SCUBE3: variants seen among roughly 807,000 people sequenced by gnomAD.
SCUBE3 encodes signal peptide, CUB and EGF-like domain-containing protein 3.
In SCUBE3, 33 loss-of-function variants were observed where a neutral mutation model predicts 116.8. The ratio of observed to expected loss-of-function variants is 0.28; its 90% CI spans 0.21 to 0.38. SCUBE3 has a LOEUF of 0.38. Ranked by LOEUF, SCUBE3 falls within the 10% of genes least tolerant of loss-of-function variation. SCUBE3 has a pLI of 1.00. For missense variants in SCUBE3, 1,007 were observed against 1,324.8 expected (o/e 0.76, Z 3.72); for synonymous variants, 418 against 496.9 (o/e 0.84, Z 2.11).
Position 35,241,198 on chromosome 6 carries a change from C to T in SCUBE3, c.1127C>T (p.Pro376Leu). Residue 376 changes from proline to leucine, a missense_variant, in exon 10 of 22, where the codon CCT (proline) becomes CTT (leucine). By Grantham distance (98) the Pro-to-Leu change is moderately conservative (BLOSUM62 -3). Around this residue, in one of 5 missense-constraint regions of SCUBE3, gnomAD observed 544 missense variants for 638.9 expected, o/e 0.85. Transcript: ENST00000274938. The surrounding 1 kb of genome is among the most constrained non-coding windows in gnomAD (Gnocchi z 4.1). ...TGCCGCTTTGGCTGCATCAACACTC[C>T]TGGCAGCTACCAGTGTACCTGCCCA... ...GGCRFGCINT[P>L]GSYQCTCPAG... The T allele has an allele frequency of 1.2e-6, 2 of 1,606,808 alleles. No homozygotes were observed. The highest frequency in any genetic ancestry group is 1.7e-6 in the Non-Finnish European group (2 of 1,173,920).
In SCUBE3 at chr6:35,243,862, T is replaced by C; in HGVS notation, c.2072-101T>C. The C allele has an allele frequency of 2.6e-6, 4 of 1,534,448 alleles. No homozygotes were observed. The highest frequency in any genetic ancestry group is 3.6e-6 in the Non-Finnish European group (4 of 1,121,028). ...CCCAGGCTCCAGGCCACTCTCTTAG[T>C]CAACATCCTGTTTGTATACCTTTGT... On this transcript the variant is annotated intron_variant, in intron 16 of 21. Transcript: ENST00000274938. The surrounding 1 kb of genome is among the most constrained non-coding windows in gnomAD (Gnocchi z 6.6).
At chr6:35,236,820 G>C (rs1398501319) in intron 6 of SCUBE3, among the ~76,000 whole-genome samples, 1 of 152,152 alleles carries the variant, frequency 6.6e-6, no homozygotes, top group Non-Finnish European at 1.5e-5. Flanking sequence ...TCTCTCTAAT[G>C]GGAGAATTCT....
At chr6:35,225,939 A>T (rs1783304251) in intron 1 of SCUBE3, among the ~76,000 whole-genome samples, 1 of 152,188 alleles carries the variant, frequency 6.6e-6, no homozygotes, top group Non-Finnish European at 1.5e-5. Flanking sequence ...GTCAAATCTC[A>T]TCTCCTTTCT....
chr6:35,215,194 T>C (rs970002329), intron 1 of SCUBE3, among the ~76,000 whole-genome samples: 2 of 152,196 alleles, frequency 1.3e-5, no homozygotes, highest in Non-Finnish European at 2.9e-5. Flanking sequence ...GGGTTTCCAA[T>C]TCCATTTAAA....
In SCUBE3 at chr6:35,241,176, C is replaced by T. The variant is rs773542359; in HGVS notation, c.1105C>T (p.Arg369Cys). ...ATGCAGCATCAACCGGGGAGGTTGC[C>T]GCTTTGGCTGCATCAACACTCCTGG... is the stretch of plus-strand genomic sequence containing the variant. ...DECSINRGGC[R>C]FGCINTPGSY... Residue 369 changes from arginine to cysteine, a missense_variant, in exon 10 of 22, where the codon CGC becomes TGC. Transcript: ENST00000274938. The surrounding 1 kb of genome is among the most constrained non-coding windows in gnomAD (Gnocchi z 4.1). The T allele has an allele frequency of 5.1e-5, 82 of 1,603,588 alleles. No homozygotes were observed. Among genetic ancestry groups the T allele is most frequent in the Middle Eastern group, 4.9e-4 (3 of 6,062 alleles).
In SCUBE3 at chr6:35,231,716, C is replaced by T; in HGVS notation, c.335-9C>T. 1.2e-6 allele frequency: 2 copies of T among 1,606,584 alleles called. No homozygotes were observed. The highest frequency in any genetic ancestry group is 1.7e-6 in the Non-Finnish European group (2 of 1,174,238). ...CCCCATGACCCCACTGACTACCTAT[C>T]CTGCACAGATGTGGACGAGTGTGCC... On this transcript the variant is annotated splice_polypyrimidine_tract_variant and intron_variant, in intron 3 of 21. Transcript: ENST00000274938. The surrounding 1 kb of genome is among the most constrained non-coding windows in gnomAD (Gnocchi z 4.2).
chr6:35,237,148 T>G (rs1783810690), intron 6 of SCUBE3, among the ~76,000 whole-genome samples: 1 of 152,194 alleles, frequency 6.6e-6, no homozygotes, highest in African/African-American at 2.4e-5. Context: ...CCCTTCCTTC[T>G]CCTCTGGATT....
chr6:35,224,254 G>A (rs1783234012), intron 1 of SCUBE3: 1 of 152,226 alleles, frequency 6.6e-6, no homozygotes, highest in African/African-American at 2.4e-5. Flanking sequence ...CTTTGCTGGA[G>A]AGGGATAAGC....
Position 35,241,067 on chromosome 6 carries a change from T to G in SCUBE3, c.1070-74T>G, listed in dbSNP as rs763150538. The G allele has an allele frequency of 1.3e-4, 192 of 1,458,634 alleles. No individual in the cohort carries two copies. Among genetic ancestry groups the G allele is most frequent in the Non-Finnish European group, 1.7e-4 (181 of 1,069,156 alleles). The allele number at this position is 1,458,634 out of a possible 1,614,324, so 90.4% of individuals were successfully genotyped here. A position where few individuals can be genotyped will look rare whatever the true frequency, so the allele number is the denominator to read the frequency against. ...TACCTGAAACTCTAACCAAAGGCCCTCACTCACTGCCTACTCTCCGGCTCC... is the reference window on the plus strand; with the variant it reads ...TACCTGAAACTCTAACCAAAGGCCCGCACTCACTGCCTACTCTCCGGCTCC... On this transcript the variant is annotated intron_variant, in intron 9 of 21. Coordinates refer to ENST00000274938, the MANE Select transcript of SCUBE3 (RefSeq NM_152753.4). The surrounding 1 kb of genome is among the most constrained non-coding windows in gnomAD (Gnocchi z 4.1).
In SCUBE3 at chr6:35,241,545, C is replaced by A; in HGVS notation, c.1198C>A (p.Pro400Thr). The A allele has an allele frequency of 6.2e-7, 1 of 1,609,414 alleles. No homozygotes were observed. Among genetic ancestry groups the A allele is most frequent in the Non-Finnish European group, 8.5e-7 (1 of 1,175,686 alleles). Residue 400 changes from proline to threonine, a missense_variant and splice_region_variant, in exon 11 of 22, where the codon CCA becomes ACA. Coordinates refer to ENST00000274938, the MANE Select transcript of SCUBE3 (RefSeq NM_152753.4). The surrounding 1 kb of genome is among the most constrained non-coding windows in gnomAD (Gnocchi z 4.1). ...LHWNGKDCTE[P>T]LKCQGSPGAS... Reference sequence around the variant, plus strand: ...TCAGGCCTCTCTCCCCTTCCTAGAGCCACTGAAGTGTCAGGGCAGTCCTGG... The same window carrying A: ...TCAGGCCTCTCTCCCCTTCCTAGAGACACTGAAGTGTCAGGGCAGTCCTGG...
In SCUBE3 at chr6:35,244,871, T is replaced by G; in HGVS notation, c.2401+60T>G. ...GAGAGGCCTGGGAGCAGTGGACATC[T>G]AAAGGAGGGGTGTGAAACCAACAGG... On this transcript the variant is annotated intron_variant, in intron 18 of 21. Coordinates refer to ENST00000274938, the MANE Select transcript of SCUBE3 (RefSeq NM_152753.4). The surrounding 1 kb of genome is among the most constrained non-coding windows in gnomAD (Gnocchi z 4.3). 6.5e-7 allele frequency: 1 copy of G among 1,548,818 alleles called. No individual in the cohort carries two copies. The highest frequency in any genetic ancestry group is 8.9e-7 in the Non-Finnish European group (1 of 1,125,250).
rs377658345 is a variant in SCUBE3, at chr6:35,228,606, G to T, written c.209-8G>T. 5.6e-6 allele frequency: 9 copies of T among 1,613,404 alleles called. No homozygotes were observed. In the African/African-American group the frequency reaches 6.7e-5, roughly 12 times the overall value. On this transcript the variant is annotated splice_polypyrimidine_tract_variant and splice_region_variant and intron_variant, in intron 2 of 21. Transcript: ENST00000274938. The surrounding 1 kb of genome is among the most constrained non-coding windows in gnomAD (Gnocchi z 4.9). ...GGTTCAGCTGTCTCAGCTTCCCTTT[G>T]CCCACAGACGTGGATGAGTGCGAGC... is the stretch of plus-strand genomic sequence containing the variant.
In SCUBE3 at chr6:35,227,658, G is replaced by T; in HGVS notation, c.164G>T (p.Cys55Phe). The change falls in exon 2 of 22, where the codon TGC becomes TTC. Residue 55 changes from cysteine (C) to phenylalanine (F), a missense_variant. Coordinates refer to ENST00000274938, the MANE Select transcript of SCUBE3 (RefSeq NM_152753.4). ...CAGAACACCCCGAGGTCATACAAGT[G>T]CATCTGCAAGTCTGGCTACACAGGG... ...ICQNTPRSYK[C>F]ICKSGYTGDG... is the part of the protein sequence containing the mutation. 6.2e-7 allele frequency: 1 copy of T among 1,614,152 alleles called. No homozygotes were observed. Among genetic ancestry groups the T allele is most frequent in the South Asian group, 1.1e-5 (1 of 91,088 alleles).
intron 6 of SCUBE3, 114 bp from the exon 7 acceptor site, chr6:35,237,788 C>G (rs1562052293): frequency 1.2e-5 from 8 of 651,302 alleles, no homozygotes; most frequent in Non-Finnish European, 2.0e-5. Flanking sequence ...TTCTAAAGCA[C>G]AGAGAGGCAG....
chr6:35,244,147 C>T lies in SCUBE3; in HGVS notation c.2239+17C>T, dbSNP rs1256702230. The T allele has an allele frequency of 1.2e-6, 2 of 1,607,694 alleles. No homozygotes were observed. The highest frequency in any genetic ancestry group is 1.1e-5 in the South Asian group (1 of 90,354). ...ACACCAAAGGTGAGTAAGCTACTCA[C>T]CTCCCTGGGGGATGCCCCAACCCCA... On this transcript the variant is annotated intron_variant, in intron 17 of 21. Transcript: ENST00000274938. The surrounding 1 kb of genome is among the most constrained non-coding windows in gnomAD (Gnocchi z 4.3).
chr6:35,247,589 T>C (rs1283494376), intron 21 of SCUBE3, among the ~76,000 whole-genome samples: 1 of 152,218 alleles, frequency 6.6e-6, no homozygotes, highest in Non-Finnish European at 1.5e-5. Flanking sequence ...ACTTGCAGAC[T>C]TCAAAGAATA....
At position 35,243,566 on chromosome 6, in the gene SCUBE3, G is replaced by A. The variant is rs757445877; in HGVS notation, c.1910-28G>A. The A allele has an allele frequency of 2.6e-6, 4 of 1,552,144 alleles. No homozygotes were observed. Among genetic ancestry groups the A allele is most frequent in the Non-Finnish European group, 2.6e-6 (3 of 1,144,932 alleles). On this transcript the variant is annotated intron_variant, in intron 15 of 21. Coordinates refer to ENST00000274938, the MANE Select transcript of SCUBE3 (RefSeq NM_152753.4). The surrounding 1 kb of genome is among the most constrained non-coding windows in gnomAD (Gnocchi z 6.6). ...TGGGTGGTGGGAAATGCGGGGGTGG[G>A]TGGCTAGCGCGGCCGACTCTCCCTC...
At position 35,233,884 on chromosome 6, in the gene SCUBE3, T is replaced by C. The variant is rs1332656468; in HGVS notation, c.712+583T>C. Among the ~76,000 whole-genome samples the C allele has an allele frequency of 1.3e-5, 2 of 152,034 alleles. No individual in the cohort carries two copies. The highest frequency in any genetic ancestry group is 2.9e-5 in the Non-Finnish European group (2 of 68,014). On this transcript the variant is annotated intron_variant, in intron 6 of 21. Transcript: ENST00000274938. The surrounding 1 kb of genome is among the most constrained non-coding windows in gnomAD (Gnocchi z 5.7). ...AACTCCCCTTTCTACTCACCTCACC[T>C]TACCCCCCATTTCCTTCTCTCTCCT...
In SCUBE3 at chr6:35,243,555, T is replaced by A; in HGVS notation, c.1910-39T>A. ...AGTCCCAGGCCTGGGTGGTGGGAAA[T>A]GCGGGGGTGGGTGGCTAGCGCGGCC... On this transcript the variant is annotated intron_variant, in intron 15 of 21. Coordinates refer to ENST00000274938, the MANE Select transcript of SCUBE3 (RefSeq NM_152753.4). The surrounding 1 kb of genome is among the most constrained non-coding windows in gnomAD (Gnocchi z 6.6). 1 of 1,505,428 alleles carries A rather than the reference T, an allele frequency of 6.6e-7. No individual in the cohort carries two copies. 93.3% of individuals were successfully genotyped at this position (1,505,428 alleles called of 1,614,324 possible).
Sources: allele counts gnomAD v4.1 joint callset (sites outside exome capture counted in the v4.1 genomes callset), GRCh38; gene constraint gnomAD v4.1.1; regional missense constraint gnomAD v4.1.1; non-coding constraint Gnocchi (gnomAD v3.1); transcripts MANE v1.5; gene names NCBI Gene and HGNC (gene_info 2026-07-23, HGNC 2026-07-21).